The following RBFOX1 variants were observed in gnomAD, a reference collection of about 807,000 sequenced individuals.
RBFOX1 encodes RNA binding protein fox-1 homolog 1.
RBFOX1 carries 8 observed loss-of-function variants against 57.7 expected under a neutral mutation model. The observed-to-expected ratio is 0.14, with a 90% CI of 0.08 to 0.25. The LOEUF (loss-of-function observed/expected upper bound fraction) is 0.25. RBFOX1 is among the 10% of genes least tolerant of loss of function. The probability of loss-of-function intolerance (pLI) is 1.00; values close to 1 mark genes in which losing one functional copy is unlikely to be tolerated. For synonymous variants in RBFOX1, 326 were observed against 222.4 expected (o/e 1.47, Z -4.15); for missense variants, 611 against 548.5 (o/e 1.11, Z -1.14).
intron 1 of RBFOX1, among the ~76,000 whole-genome samples, chr16:6,117,475 A>G (rs1405607507): frequency 6.6e-6 from 1 of 152,248 alleles, no homozygotes; most frequent in African/African-American, 2.4e-5. Flanking sequence ...TAGGATTAAG[A>G]GGTGTGGCCA....
At chr16:7,654,064 G>T (rs1439849722) in intron 12 of RBFOX1, 117 bp downstream of exon 12, 2 of 1,116,152 alleles carry the variant, frequency 1.8e-6, no homozygotes, top group South Asian at 1.7e-5. Flanking sequence ...CCCCAGAACC[G>T]CCCCCAGCAT....
intron 4 of RBFOX1, among the ~76,000 whole-genome samples, chr16:7,218,143 A>G (rs2092399698): frequency 6.6e-6 from 1 of 151,864 alleles, no homozygotes; most frequent in Non-Finnish European, 1.5e-5. Context: ...GAATCATCCC[A>G]CCTTGCTGAC....
chr16:5,969,777 C>G (rs1414052107), intron 4 of RBFOX1, among the ~76,000 whole-genome samples: 2 of 152,010 alleles, frequency 1.3e-5, no homozygotes, highest in African/African-American at 4.8e-5. Context: ...TCCTCCTCAC[C>G]ACCATCACTT....
chr16:7,231,070 C>T (rs993315968), intron 4 of RBFOX1, among the ~76,000 whole-genome samples: 1 of 152,066 alleles, frequency 6.6e-6, no homozygotes, highest in Admixed American at 6.6e-5. Flanking sequence ...TGGAGAGTAT[C>T]CTCCAGAATC....
intron 4 of RBFOX1, among the ~76,000 whole-genome samples, chr16:7,264,654 G>A (rs1284319189): frequency 6.6e-6 from 1 of 152,150 alleles, no homozygotes; most frequent in African/African-American, 2.4e-5. Flanking sequence ...TGCATTTCAT[G>A]TAATTTTCAG....
chr16:7,322,615 A>G (rs1045773973), intron 4 of RBFOX1, among the ~76,000 whole-genome samples: 1 of 152,212 alleles, frequency 6.6e-6, no homozygotes, highest in African/African-American at 2.4e-5. Flanking sequence ...TTGGGGAGTT[A>G]CATGCGCAGT....
rs112977898 is a variant in RBFOX1, at chr16:7,196,831, C to G, written c.27+144733C>G. 1.8e-3 allele frequency among the ~76,000 whole-genome samples: 280 copies of G among 152,060 alleles called. 1 individual carries two copies. Among genetic ancestry groups the G allele is most frequent in the African/African-American group, 6.3e-3 (262 of 41,478 alleles). Reference sequence around the variant, plus strand: ...ATGATTTATGGAAGGGTGTTTCAAGCAAAGAGGACAGCATGTGCAAAGGGA... The same window carrying G: ...ATGATTTATGGAAGGGTGTTTCAAGGAAAGAGGACAGCATGTGCAAAGGGA... On this transcript the variant is annotated intron_variant, in intron 4 of 15. Transcript: ENST00000550418.
At chr16:6,156,600 C>T (rs1385581906) in intron 1 of RBFOX1, among the ~76,000 whole-genome samples, 2 of 152,052 alleles carry the variant, frequency 1.3e-5, no homozygotes, top group African/African-American at 4.8e-5. Context: ...GACGAGGTGG[C>T]CAGCTTGGCC....
chr16:7,560,702 A>G (rs2090119409), intron 5 of RBFOX1, among the ~76,000 whole-genome samples: 1 of 152,136 alleles, frequency 6.6e-6, no homozygotes, highest in African/African-American at 2.4e-5. Flanking sequence ...ACACAGCATC[A>G]TGTCTACCAC....
chr16:6,024,803 A>C (rs189979107), intron 1 of RBFOX1, among the ~76,000 whole-genome samples: 2 of 152,178 alleles, frequency 1.3e-5, no homozygotes, highest in African/African-American at 4.8e-5. Context: ...CCTACTTTCT[A>C]TGAATTCCTG....
intron 4 of RBFOX1, among the ~76,000 whole-genome samples, chr16:7,408,042 C>A (rs1394590462): frequency 1.3e-5 from 2 of 152,210 alleles, no homozygotes; most frequent in African/African-American, 4.8e-5. Context: ...ACTGATAACC[C>A]TTGCTTTACA....
chr16:5,689,645 C>T (rs932950901), intron 3 of RBFOX1, among the ~76,000 whole-genome samples: 1 of 152,070 alleles, frequency 6.6e-6, no homozygotes, highest in African/African-American at 2.4e-5. Context: ...TAGGGAATTT[C>T]TGCGTTATGG....
intron 5 of RBFOX1, among the ~76,000 whole-genome samples, chr16:7,575,141 T>A (rs1409482226): frequency 6.6e-6 from 1 of 151,914 alleles, no homozygotes; most frequent in Non-Finnish European, 1.5e-5. Context: ...AACAATTAAT[T>A]ATCCTTTTTT....
At chr16:7,374,862 G>A (rs1019318671) in intron 4 of RBFOX1, among the ~76,000 whole-genome samples, 4 of 152,178 alleles carry the variant, frequency 2.6e-5, no homozygotes, top group African/African-American at 7.2e-5. Context: ...GTGATAGCAT[G>A]CTTTTCATTC....
intron 3 of RBFOX1, among the ~76,000 whole-genome samples, chr16:6,804,652 A>G (rs2086293982): frequency 6.6e-6 from 1 of 152,206 alleles, no homozygotes; most frequent in Non-Finnish European, 1.5e-5. Flanking sequence ...AGAATGAACT[A>G]TTCATTAGAA....
At chr16:5,318,996 G>A (rs555254684) in intron 1 of RBFOX1, among the ~76,000 whole-genome samples, 7 of 152,148 alleles carry the variant, frequency 4.6e-5, no homozygotes, top group East Asian at 1.9e-4. Flanking sequence ...GCATGGTGGC[G>A]TGCGCCTGTA....
chr16:6,588,734 C>G (rs2097667269), intron 2 of RBFOX1, among the ~76,000 whole-genome samples: 1 of 152,094 alleles, frequency 6.6e-6, no homozygotes, highest in South Asian at 2.1e-4. Flanking sequence ...AGTCTTGGAC[C>G]ATTTTCTTGT....
rs1367016511 is a variant in RBFOX1 at position 6,019,871 on chromosome 16, C to T, written c.-248C>T. The T allele has an allele frequency of 3.9e-6, 6 of 1,534,430 alleles. No individual in the cohort carries two copies. The Admixed American group carries it at 5.9e-5, about 15-fold the overall frequency. ...AAGTTGCGGACAGTGCGTGAGAAAC[C>T]AGCACCCCCTTCCGCCGCCTCCAGC... is the stretch of plus-strand genomic sequence containing the variant. On this transcript the variant is annotated 5_prime_UTR_variant, in exon 1 of 16. Transcript: ENST00000550418. The surrounding 1 kb of genome is among the most constrained non-coding windows in gnomAD (Gnocchi z 4.2).
rs937787466 is a variant in RBFOX1 at position 6,820,408 on chromosome 16, G to C, written c.-16+165758G>C. Among the ~76,000 whole-genome samples, 4 of 152,152 alleles carry C rather than the reference G, an allele frequency of 2.6e-5. No individual in the cohort carries two copies. In the South Asian group the frequency reaches 8.3e-4, roughly 32 times the overall value. ...CAACACAGTGGCTCCTATAATCCCAGCATTTTGGGAGGCTGGGGAGGAAAA... is the reference window on the plus strand; with the variant it reads ...CAACACAGTGGCTCCTATAATCCCACCATTTTGGGAGGCTGGGGAGGAAAA... On this transcript the variant is annotated intron_variant, in intron 3 of 15. Coordinates refer to ENST00000550418, the MANE Select transcript of RBFOX1 (RefSeq NM_018723.4).
Sources: allele counts gnomAD v4.1 joint callset (sites outside exome capture counted in the v4.1 genomes callset), GRCh38; gene constraint gnomAD v4.1.1; non-coding constraint Gnocchi (gnomAD v3.1); transcripts MANE v1.5; gene names NCBI Gene and HGNC (gene_info 2026-07-23, HGNC 2026-07-21).